The following UBE2E2 variants were observed in gnomAD, a reference collection of about 807,000 sequenced individuals.
UBE2E2 encodes the protein ubiquitin conjugating enzyme E2 E2, also known as ubiquitin-conjugating enzyme E2 E2.
Under a neutral mutation model 24.7 loss-of-function variants are expected in UBE2E2, and 6 were observed. The observed-to-expected ratio is 0.24, with a 90% CI of 0.13 to 0.48. UBE2E2 has a LOEUF of 0.48. UBE2E2 is among the 20% of genes least tolerant of loss of function. The pLI, the probability that UBE2E2 is intolerant of heterozygous loss-of-function variation, is 0.99. For missense variants in UBE2E2, 169 were observed against 245.0 expected, an observed-to-expected ratio of 0.69 and a Z score of 2.07; for synonymous variants, 104 against 83.6, an observed-to-expected ratio of 1.24 and a Z score of -1.33.
At chr3:23,311,577 A>G (rs997616479) in intron 3 of UBE2E2, among the ~76,000 whole-genome samples, 3 of 152,184 alleles carry the variant, frequency 2.0e-5, no homozygotes, top group Non-Finnish European at 2.9e-5. Context: ...AACCTTGGTC[A>G]GTTGCTTACA....
chr3:23,284,535 A>G (rs1264863028), intron 3 of UBE2E2, among the ~76,000 whole-genome samples: 1 of 152,046 alleles, frequency 6.6e-6, no homozygotes, highest in Non-Finnish European at 1.5e-5. Context: ...TATTTTTTAA[A>G]AAAGAATCTT....
intron 3 of UBE2E2, among the ~76,000 whole-genome samples, chr3:23,288,732 G>A (rs1487424264): frequency 1.3e-5 from 2 of 151,528 alleles, no homozygotes; most frequent in East Asian, 3.9e-4. Flanking sequence ...ATGCTTTTTA[G>A]CTGGTATTCT....
Position 23,461,852 on chromosome 3 carries a change from A to G in UBE2E2, c.228-37756A>G, listed in dbSNP as rs1415242042. Among the ~76,000 whole-genome samples the G allele has an allele frequency of 4.6e-5, 7 of 152,196 alleles. No homozygotes were observed. The East Asian group carries it at 9.6e-4, about 21-fold the overall frequency. On this transcript the variant is annotated intron_variant, in intron 3 of 5. Transcript: ENST00000396703. The stretch of plus-strand genomic sequence containing the variant: ...TTACATTGCATGTTCTGAAAACTCA[A>G]ACTATTCCAATAAAACTGTTACTTC...
chr3:23,203,629 C>T (rs928247469), intron 1 of UBE2E2, among the ~76,000 whole-genome samples, 165 bp downstream of exon 1: 1 of 147,258 alleles, frequency 6.8e-6, no homozygotes, highest in Non-Finnish European at 1.5e-5. Flanking sequence ...TCCCTACGCC[C>T]CCTCCCGCGA....
chr3:23,468,008 G>A (rs949810835), intron 3 of UBE2E2, among the ~76,000 whole-genome samples: 3 of 152,244 alleles, frequency 2.0e-5, no homozygotes, highest in African/African-American at 7.2e-5. Flanking sequence ...TCTCCCACCA[G>A]GTCCCTCCTC....
At chr3:23,423,258 C>T (rs1298371920) in intron 3 of UBE2E2, among the ~76,000 whole-genome samples, 2 of 152,136 alleles carry the variant, frequency 1.3e-5, no homozygotes, top group Admixed American at 6.5e-5. Flanking sequence ...TAGTTGTGTT[C>T]GAGTTCTAAC....
At chr3:23,215,117 A>G (rs948735300) in intron 2 of UBE2E2, among the ~76,000 whole-genome samples, 2 of 152,016 alleles carry the variant, frequency 1.3e-5, no homozygotes, top group African/African-American at 4.8e-5. Flanking sequence ...TCTGTTTCTT[A>G]TTCCTATGAA....
intron 3 of UBE2E2, among the ~76,000 whole-genome samples, chr3:23,371,037 T>A (rs9827507): frequency 0.36 from 54,269 of 151,766 alleles, 10,921 homozygotes; most frequent in Admixed American, 0.52. Context: ...TTTTAAAAAA[T>A]TTTTTTAATA....
chr3:23,451,629 C>A (rs1204462131), intron 3 of UBE2E2, among the ~76,000 whole-genome samples: 2 of 152,062 alleles, frequency 1.3e-5, no homozygotes, highest in Non-Finnish European at 2.9e-5. Context: ...ATAAGAAATC[C>A]AAAATAAGCT....
At chr3:23,431,257 A>G (rs1188484777) in intron 3 of UBE2E2, among the ~76,000 whole-genome samples, 2 of 152,214 alleles carry the variant, frequency 1.3e-5, no homozygotes, top group East Asian at 3.8e-4. Context: ...AGAAGATGGT[A>G]CACTGAAGAA....
chr3:23,322,425 C>T (rs148802113), intron 3 of UBE2E2, among the ~76,000 whole-genome samples: 3 of 152,158 alleles, frequency 2.0e-5, no homozygotes, highest in Non-Finnish European at 4.4e-5. Context: ...GTTTTTCCTC[C>T]CAGTCTAACA....
At chr3:23,477,076 G>A (rs1051667823) in intron 3 of UBE2E2, among the ~76,000 whole-genome samples, 2 of 151,246 alleles carry the variant, frequency 1.3e-5, no homozygotes, top group African/African-American at 4.9e-5. Flanking sequence ...AGCATGCTGT[G>A]GTCATAAACA....
At chr3:23,346,133 T>C (rs1026140128) in intron 3 of UBE2E2, among the ~76,000 whole-genome samples, 1 of 152,204 alleles carries the variant, frequency 6.6e-6, no homozygotes, top group African/African-American at 2.4e-5. Context: ...TCTAAGATTG[T>C]GTTTCTTTTA....
chr3:23,473,042 A>T lies in UBE2E2; in HGVS notation c.228-26566A>T, dbSNP rs556757189. 9.2e-5 allele frequency among the ~76,000 whole-genome samples: 14 copies of T among 152,146 alleles called. No homozygotes were observed. The South Asian group carries it at 2.3e-3, about 25-fold the overall frequency. On this transcript the variant is annotated intron_variant, in intron 3 of 5. Coordinates refer to ENST00000396703, the MANE Select transcript of UBE2E2 (RefSeq NM_152653.4). ...TACTGTGCATTTTCTGTTATGATTT[A>T]AAAATATTATCCTGAGAAAAGGTCC...
At chr3:23,587,649 C>G (rs1575726913) in intron 5 of UBE2E2, among the ~76,000 whole-genome samples, 1 of 152,290 alleles carries the variant, frequency 6.6e-6, no homozygotes, top group Middle Eastern at 3.4e-3. Context: ...TCAGATTTCA[C>G]TTTGGCCCCT....
intron 3 of UBE2E2, among the ~76,000 whole-genome samples, chr3:23,344,638 G>A (rs1695496518): frequency 6.6e-6 from 1 of 152,008 alleles, no homozygotes; most frequent in East Asian, 1.9e-4. Context: ...TGGATTGCTT[G>A]AGGCCAGGAG....
In UBE2E2 at chr3:23,349,917, G is replaced by T. The variant is rs559035977; in HGVS notation, c.227+132605G>T. On this transcript the variant is annotated intron_variant, in intron 3 of 5. Coordinates refer to ENST00000396703, the MANE Select transcript of UBE2E2 (RefSeq NM_152653.4). ...AGCAGGCAGCTGGAGATCTGAGAAC[G>T]GGCAGACTGCCTCCTCAAGTGGGTC... 4.6e-5 allele frequency among the ~76,000 whole-genome samples: 7 copies of T among 152,304 alleles called. No homozygotes were observed. The East Asian group carries it at 5.8e-4, about 13-fold the overall frequency.
At chr3:23,415,348 A>G (rs1697597271) in intron 3 of UBE2E2, among the ~76,000 whole-genome samples, 1 of 152,136 alleles carries the variant, frequency 6.6e-6, no homozygotes, top group Non-Finnish European at 1.5e-5. Flanking sequence ...GATACATCCT[A>G]TGTCTGTATC....
chr3:23,567,332 C>T lies in UBE2E2; in HGVS notation c.509-22402C>T, dbSNP rs555159864. ...GAAGCACTGTGTGTGGACAGAATTT[C>T]GTCAGGTGGTAGAACATGTTGCCTA... On this transcript the variant is annotated intron_variant, in intron 5 of 5. Coordinates refer to ENST00000396703, the MANE Select transcript of UBE2E2 (RefSeq NM_152653.4). Among the ~76,000 whole-genome samples the T allele has an allele frequency of 3.3e-5, 5 of 152,210 alleles. No homozygotes were observed. The South Asian group carries it at 1.0e-3, about 32-fold the overall frequency.
Sources: gnomAD v4.1 joint callset for allele counts (sites outside exome capture counted in the v4.1 genomes callset) on GRCh38, gnomAD v4.1.1 for gene constraint, MANE v1.5 for transcripts, NCBI Gene and HGNC (gene_info 2026-07-23, HGNC 2026-07-21) for gene names.